KDM6B: variants seen among roughly 807,000 people sequenced by gnomAD.
KDM6B encodes the protein lysine demethylase 6B.
Under a neutral mutation model 150.4 loss-of-function variants are expected in KDM6B, and 22 were observed. That is an observed-to-expected ratio of 0.15 (90% CI 0.10 to 0.21). KDM6B has a LOEUF of 0.21. Ranked by LOEUF, KDM6B falls within the 10% of genes least tolerant of loss-of-function variation. The pLI is 1.00. For missense variants in KDM6B, 1,984 were observed against 2,234.3 expected (o/e 0.89, Z 2.26); for synonymous variants, 1,148 against 921.1 (o/e 1.25, Z -4.46).
chr17:7,851,231 G>C lies in KDM6B; in HGVS notation c.3879+5G>C. On this transcript the variant is annotated splice_donor_5th_base_variant and intron_variant, in intron 15 of 23. Transcript: ENST00000448097. ...TCCTTCCAGGAGTCTCTGCAGGTGAGATGAGAACGTGGCCAGAGGCAGGTC... is the reference window on the plus strand; with the variant it reads ...TCCTTCCAGGAGTCTCTGCAGGTGACATGAGAACGTGGCCAGAGGCAGGTC... 1 of 1,614,056 alleles carries C rather than the reference G, an allele frequency of 6.2e-7. No homozygotes were observed. Among genetic ancestry groups the C allele is most frequent in the East Asian group, 2.2e-5 (1 of 44,888 alleles).
chr17:7,847,063 G>A (rs1242410411), intron 10 of KDM6B, 42 bp from the exon 11 acceptor site: 4 of 1,610,626 alleles, frequency 2.5e-6, no homozygotes, highest in East Asian at 2.2e-5. Context: ...CAAGTCCCAC[G>A]CTCTCTATTC....
Position 7,850,701 on chromosome 17 carries a change from A to C in KDM6B, c.3674-320A>C, listed in dbSNP as rs539035343. On this transcript the variant is annotated intron_variant, in intron 14 of 23. Coordinates refer to ENST00000448097, the MANE Select transcript of KDM6B (RefSeq NM_001348716.2). ...ACTAGACTCCAAATGGGGAAAAAAG[A>C]AGCTGCCATTCATTGAGCACCTACT... 1.5e-4 allele frequency among the ~76,000 whole-genome samples: 22 copies of C among 149,694 alleles called. No homozygotes were observed. In the East Asian group the frequency reaches 4.0e-3, roughly 27 times the overall value.
In KDM6B at chr17:7,846,753, G is replaced by C. The variant is rs779925225; in HGVS notation, c.711+13G>C. The C allele has an allele frequency of 3.1e-6, 5 of 1,613,968 alleles. No homozygotes were observed. Among genetic ancestry groups the C allele is most frequent in the Non-Finnish European group, 4.2e-6 (5 of 1,179,946 alleles). On this transcript the variant is annotated intron_variant, in intron 9 of 23. Coordinates refer to ENST00000448097, the MANE Select transcript of KDM6B (RefSeq NM_001348716.2). Reference sequence around the variant, plus strand: ...CAACTCTGAACAGGTGTGGGTATAGGGGGGCCAGCAGGCAGTAAGTAGGCA... The same window carrying C: ...CAACTCTGAACAGGTGTGGGTATAGCGGGGCCAGCAGGCAGTAAGTAGGCA...
chr17:7,850,444 GA>G (rs2078668356), intron 14 of KDM6B, among the ~76,000 whole-genome samples: 1 of 152,186 alleles, frequency 6.6e-6, no homozygotes, highest in South Asian at 2.1e-4. Flanking sequence ...GAAAACCCCT[GA>G]AAATCTGTGA....
At chr17:7,850,688 A>G (rs1327492032) in intron 14 of KDM6B, among the ~76,000 whole-genome samples, 1 of 32,092 alleles carries the variant, frequency 3.1e-5, no homozygotes, top group Non-Finnish European at 7.3e-5. Context: ...TAGACTCCAA[A>G]TGGGGAAAAA....
At chr17:7,835,367 G>A (rs2078313623) in intron 1 of KDM6B, among the ~76,000 whole-genome samples, 1 of 152,118 alleles carries the variant, frequency 6.6e-6, no homozygotes, top group Non-Finnish European at 1.5e-5. Context: ...GCCGAGGGCA[G>A]GACGCCTGGT....
rs759487163 is a variant in KDM6B, at chr17:7,846,562, T to A, written c.550-17T>A. On this transcript the variant is annotated splice_polypyrimidine_tract_variant and intron_variant, in intron 8 of 23. Transcript: ENST00000448097. ...CCTGCACCCGTGCCATTTTCTCTTCTCTCTTTTTGTTCTCAGCACAAACGG... is the reference window on the plus strand; with the variant it reads ...CCTGCACCCGTGCCATTTTCTCTTCACTCTTTTTGTTCTCAGCACAAACGG... 3.7e-6 allele frequency: 6 copies of A among 1,613,910 alleles called. No individual in the cohort carries two copies. In the South Asian group the frequency reaches 6.6e-5, roughly 18 times the overall value.
chr17:7,853,781 G>A lies in KDM6B; in HGVS notation c.*260G>A, dbSNP rs1050329708. On this transcript the variant is annotated 3_prime_UTR_variant, in exon 24 of 24. Transcript: ENST00000448097. The stretch of plus-strand genomic sequence containing the variant: ...TCGCCCACCAGCGCCTCCCCTCACC[G>A]ACTTTGGCCTTTTTAGCAACAGACA... 4 of 289,506 alleles carry A rather than the reference G, an allele frequency of 1.4e-5. No homozygotes were observed. The Admixed American group carries it at 2.1e-4, about 15-fold the overall frequency. The allele number at this position is 289,506 out of a possible 1,614,324, so 17.9% of individuals were successfully genotyped here. A position where few individuals can be genotyped will look rare whatever the true frequency, so the allele number is the denominator to read the frequency against.
rs1342012489 is a variant in KDM6B, at chr17:7,851,742, C to T, written c.4111C>T (p.Leu1371=). 3 of 1,557,350 alleles carry T rather than the reference C, an allele frequency of 1.9e-6. No individual in the cohort carries two copies. Among genetic ancestry groups the T allele is most frequent in the Admixed American group, 3.9e-5 (2 of 51,824 alleles). The change falls in exon 18 of 24, where the codon CTG becomes TTG. Residue 1371 remains leucine (L), a synonymous_variant. Coordinates refer to ENST00000448097, the MANE Select transcript of KDM6B (RefSeq NM_001348716.2). ...GCTGAGCCACGTGGGCCACACCATC[C>T]TGGGCATGAACACGGTGCAGCTGTA... is the stretch of plus-strand genomic sequence containing the variant. ...NMLSHVGHTI[L]GMNTVQLYMK...
At chr17:7,841,723 G>C (rs1299514839) in intron 2 of KDM6B, among the ~76,000 whole-genome samples, 1 of 152,214 alleles carries the variant, frequency 6.6e-6, no homozygotes, top group Non-Finnish European at 1.5e-5. Context: ...GTCAGAGGCA[G>C]ACACAAGGCC....
At position 7,847,938 on chromosome 17, in the gene KDM6B, C is replaced by T. The variant is rs780322105; in HGVS notation, c.1650C>T (p.Thr550=). The T allele has an allele frequency of 1.9e-5, 31 of 1,611,716 alleles. No homozygotes were observed. Among genetic ancestry groups the T allele is most frequent in the Middle Eastern group, 1.7e-4 (1 of 6,060 alleles). ...SHTPPTPPTP[T]TSSSNSNSGS... is the part of the protein sequence containing the mutation. ...CCCCTCCCACTCCCCCAACCCCAAC[C>T]ACCAGCAGTAGCAACAGCAACAGTG... Residue 550 remains threonine, a synonymous_variant, in exon 12 of 24, where the codon ACC becomes ACT. Coordinates refer to ENST00000448097, the MANE Select transcript of KDM6B (RefSeq NM_001348716.2).
At position 7,843,991 on chromosome 17, in the gene KDM6B, G is replaced by A. The variant is rs1289826774; in HGVS notation, c.-268-910G>A. On this transcript the variant is annotated intron_variant, in intron 2 of 23. Coordinates refer to ENST00000448097, the MANE Select transcript of KDM6B (RefSeq NM_001348716.2). The surrounding 1 kb of genome is among the most constrained non-coding windows in gnomAD (Gnocchi z 4.5). ...GAGTTCTGGGTTCTTTAAGGGAGTG[G>A]GTGGTGAGAGTGGGACAAGGGTGAT... Among the ~76,000 whole-genome samples the A allele has an allele frequency of 2.0e-5, 3 of 152,050 alleles. No homozygotes were observed. The highest frequency in any genetic ancestry group is 2.0e-4 in the Admixed American group (3 of 15,272).
At chr17:7,839,445 G>A (rs533524883) in intron 1 of KDM6B, among the ~76,000 whole-genome samples, 3 of 152,208 alleles carry the variant, frequency 2.0e-5, no homozygotes, top group East Asian at 3.9e-4. Context: ...GCCTGCACCC[G>A]CCTGGGGGAA....
intron 1 of KDM6B, among the ~76,000 whole-genome samples, chr17:7,835,879 G>A (rs762607541): frequency 2.2e-4 from 34 of 152,124 alleles, no homozygotes; most frequent in Admixed American, 1.8e-3. Context: ...GGACCCACAC[G>A]TCTCGGTCGG....
In KDM6B at chr17:7,844,067, C is replaced by G. The variant is rs567014557; in HGVS notation, c.-268-834C>G. ...CCTCCCTCCCTCAGGACCCCCCCCC[C>G]CGCAGTACATTTACACACACCGCTT... On this transcript the variant is annotated intron_variant, in intron 2 of 23. Transcript: ENST00000448097. The surrounding 1 kb of genome is among the most constrained non-coding windows in gnomAD (Gnocchi z 5.9). 1 of 150,328 alleles carries G rather than the reference C, an allele frequency of 6.7e-6. No homozygotes were observed. Among genetic ancestry groups the G allele is most frequent in the Admixed American group, 6.6e-5 (1 of 15,200 alleles). The allele number at this position is 150,328 out of a possible 1,614,324, so 9.3% of individuals were successfully genotyped here. A position where few individuals can be genotyped will look rare whatever the true frequency, so the allele number is the denominator to read the frequency against.
In KDM6B at chr17:7,847,268, G is replaced by A; in HGVS notation, c.1073G>A (p.Ser358Asn). The change falls in exon 11 of 24, where the codon AGT (serine) becomes AAT (asparagine). Residue 358 changes from serine to asparagine, a missense_variant. Ser to Asn is a conservative substitution (Grantham distance 46). Coordinates refer to ENST00000448097, the MANE Select transcript of KDM6B (RefSeq NM_001348716.2). ...GCLPATRPPG[S>N]DLRESRVQRS... ...CTGCCTGCCACCCGTCCCCCCGGAA[G>A]TGACCTTAGAGAGAGCAGAGTTCAG... 1.2e-6 allele frequency: 2 copies of A among 1,604,038 alleles called. No homozygotes were observed. Among genetic ancestry groups the A allele is most frequent in the Non-Finnish European group, 8.5e-7 (1 of 1,179,728 alleles).
At position 7,853,204 on chromosome 17, in the gene KDM6B, C is replaced by T. The variant is rs779613443; in HGVS notation, c.4738-6C>T. 8.1e-6 allele frequency: 13 copies of T among 1,613,372 alleles called. No homozygotes were observed. The African/African-American group carries it at 1.1e-4, about 13-fold the overall frequency. On this transcript the variant is annotated splice_region_variant and splice_polypyrimidine_tract_variant and intron_variant, in intron 22 of 23. Transcript: ENST00000448097. The stretch of plus-strand genomic sequence containing the variant: ...CCCCCTGACTGCACTGTCCTCCCTG[C>T]CCCAGGTGGAGGTGTTTAACATCCT...
chr17:7,838,694 C>T (rs1229815135), intron 1 of KDM6B, among the ~76,000 whole-genome samples: 2 of 148,554 alleles, frequency 1.3e-5, no homozygotes, highest in Non-Finnish European at 3.0e-5. Flanking sequence ...TTTCCTAGTC[C>T]CTCCCCCCAG....
In KDM6B at chr17:7,843,083, T is replaced by C. The variant is rs1283941622; in HGVS notation, c.-268-1818T>C. Among the ~76,000 whole-genome samples the C allele has an allele frequency of 1.3e-5, 2 of 151,958 alleles. No homozygotes were observed. Among genetic ancestry groups the C allele is most frequent in the African/African-American group, 4.8e-5 (2 of 41,372 alleles). ...ACTCACTGACTTAGGGAAAGCTGAG[T>C]CAGTTCCCCGTGGGAAAGGGGAAGT... On this transcript the variant is annotated intron_variant, in intron 2 of 23. Transcript: ENST00000448097. The surrounding 1 kb of genome is among the most constrained non-coding windows in gnomAD (Gnocchi z 4.5).
Sources: allele counts gnomAD v4.1 joint callset (sites outside exome capture counted in the v4.1 genomes callset), GRCh38; gene constraint gnomAD v4.1.1; non-coding constraint Gnocchi (gnomAD v3.1); transcripts MANE v1.5; gene names NCBI Gene and HGNC (gene_info 2026-07-23, HGNC 2026-07-21).